CERS6: variants seen among roughly 807,000 people sequenced by gnomAD.
The protein encoded by CERS6 is LAG1 homolog, ceramide synthase 6.
In CERS6, 26 loss-of-function variants were observed where a neutral mutation model predicts 56.8. The ratio of observed to expected loss-of-function variants is 0.46; its 90% CI spans 0.34 to 0.63. The LOEUF (loss-of-function observed/expected upper bound fraction) is 0.63, where lower values mean the gene tolerates loss of function less well. Ranked by LOEUF, CERS6 falls within the 30% of genes least tolerant of loss-of-function variation. The pLI, the probability that CERS6 is intolerant of heterozygous loss-of-function variation, is 0.01. For missense variants in CERS6, 415 were observed against 467.5 expected (o/e 0.89, Z 1.04); for synonymous variants, 164 against 173.3 (o/e 0.95, Z 0.42).
intron 3 of CERS6, among the ~76,000 whole-genome samples, chr2:168,589,793 C>T (rs1390485524): frequency 6.6e-6 from 1 of 152,172 alleles, no homozygotes; most frequent in Non-Finnish European, 1.5e-5. Context: ...ATTTAACTTG[C>T]TAATTATTGC....
At chr2:168,521,786 A>G (rs1694987325) in intron 1 of CERS6, among the ~76,000 whole-genome samples, 1 of 152,216 alleles carries the variant, frequency 6.6e-6, no homozygotes, top group Non-Finnish European at 1.5e-5. Context: ...GAGAGCCTTC[A>G]TTTCTGACAG....
intron 8 of CERS6, among the ~76,000 whole-genome samples, chr2:168,738,566 A>G (rs1683784726): frequency 6.6e-6 from 1 of 152,252 alleles, no homozygotes; most frequent in Admixed American, 6.5e-5. Flanking sequence ...TAGAATTTAC[A>G]TAGATTAAGC....
chr2:168,627,739 A>AT (rs976984946), intron 3 of CERS6, among the ~76,000 whole-genome samples: 5 of 149,876 alleles, frequency 3.3e-5, no homozygotes, highest in Admixed American at 6.6e-5. Flanking sequence ...TTCAGTTCAC[A>AT]TTTTTTTTAG....
chr2:168,555,687 A>G (rs1695662285), intron 2 of CERS6, among the ~76,000 whole-genome samples: 1 of 150,616 alleles, frequency 6.6e-6, no homozygotes, highest in South Asian at 2.1e-4. Flanking sequence ...GAAAAACTTG[A>G]CTAAAAAATT....
At chr2:168,531,388 A>T (rs185620422) in intron 1 of CERS6, among the ~76,000 whole-genome samples, 228 of 152,358 alleles carry the variant, frequency 1.5e-3, no homozygotes, top group Admixed American at 4.9e-3. Context: ...GCCTAAAGGA[A>T]GTTTTTGAAT....
intron 4 of CERS6, among the ~76,000 whole-genome samples, chr2:168,661,235 T>C (rs1266529165): frequency 2.6e-5 from 4 of 152,222 alleles, no homozygotes; most frequent in Non-Finnish European, 5.9e-5. Context: ...AAAAGGCTTA[T>C]TTAAACTCGC....
intron 1 of CERS6, among the ~76,000 whole-genome samples, chr2:168,541,950 T>A (rs1488169784): frequency 6.6e-6 from 1 of 152,196 alleles, no homozygotes; most frequent in Non-Finnish European, 1.5e-5. Context: ...TGTTTTTCTA[T>A]CAAAATTTTG....
At chr2:168,662,659 G>A (rs1195269608) in intron 4 of CERS6, among the ~76,000 whole-genome samples, 3 of 152,182 alleles carry the variant, frequency 2.0e-5, no homozygotes, top group Admixed American at 1.3e-4. Flanking sequence ...TTGAACCCGG[G>A]AGGCGGAGGT....
intron 4 of CERS6, among the ~76,000 whole-genome samples, chr2:168,655,573 G>A (rs146480985): frequency 1.3e-3 from 201 of 152,316 alleles, no homozygotes; most frequent in African/African-American, 4.5e-3. Flanking sequence ...TTGCCACAGC[G>A]CCAGTGGACC....
chr2:168,707,109 A>T (rs530479388), intron 6 of CERS6, among the ~76,000 whole-genome samples: 50 of 152,342 alleles, frequency 3.3e-4, no homozygotes, highest in African/African-American at 1.2e-3. Context: ...GCTAGTAGAG[A>T]TAATTAAATC....
At position 168,456,389 on chromosome 2, in the gene CERS6, C is replaced by T. The variant is rs1693652180; in HGVS notation, c.-60C>T. On this transcript the variant is annotated 5_prime_UTR_variant, in exon 1 of 10. Coordinates refer to ENST00000305747, the MANE Select transcript of CERS6 (RefSeq NM_203463.3). The surrounding 1 kb of genome is among the most constrained non-coding windows in gnomAD (Gnocchi z 4.1). ...AGCCGGGCGCGCATCCCCGGGCGCCCTGCGCGGTGGAGAGCTTGGCGGGCT... is the reference window on the plus strand; with the variant it reads ...AGCCGGGCGCGCATCCCCGGGCGCCTTGCGCGGTGGAGAGCTTGGCGGGCT... The T allele has an allele frequency of 7.1e-7, 1 of 1,399,446 alleles. No homozygotes were observed. Among genetic ancestry groups the T allele is most frequent in the Non-Finnish European group, 9.5e-7 (1 of 1,050,318 alleles). 86.7% of individuals were successfully genotyped at this position (1,399,446 alleles called of 1,614,324 possible).
chr2:168,592,029 T>C (rs553759093), intron 3 of CERS6, among the ~76,000 whole-genome samples: 1 of 152,332 alleles, frequency 6.6e-6, no homozygotes, highest in East Asian at 1.9e-4. Context: ...GACTTTCAAC[T>C]GAGTGTCAAA....
At chr2:168,594,486 G>A (rs1683749885) in intron 3 of CERS6, among the ~76,000 whole-genome samples, 1 of 152,180 alleles carries the variant, frequency 6.6e-6, no homozygotes, top group African/African-American at 2.4e-5. Context: ...TAGGGAGACT[G>A]AGGCAGGAGG....
chr2:168,684,546 T>C (rs1029981659), intron 4 of CERS6, among the ~76,000 whole-genome samples: 2 of 152,214 alleles, frequency 1.3e-5, no homozygotes, highest in African/African-American at 4.8e-5. Flanking sequence ...TTCATTTAAA[T>C]TAATAACACA....
chr2:168,709,332 T>A (rs536155841), intron 6 of CERS6, among the ~76,000 whole-genome samples: 2 of 152,252 alleles, frequency 1.3e-5, no homozygotes, highest in African/African-American at 4.8e-5. Context: ...TTACCAGCTT[T>A]TAATACTAAA....
chr2:168,499,123 G>A (rs932026282), intron 1 of CERS6, among the ~76,000 whole-genome samples: 1 of 152,148 alleles, frequency 6.6e-6, no homozygotes, highest in African/African-American at 2.4e-5. Flanking sequence ...TTGGCTACCT[G>A]CCCCAGGTCC....
At chr2:168,692,073 A>G (rs980293218) in intron 5 of CERS6, among the ~76,000 whole-genome samples, 1 of 152,296 alleles carries the variant, frequency 6.6e-6, no homozygotes, top group Non-Finnish European at 1.5e-5. Flanking sequence ...GACACATTGA[A>G]TTGGAATTCC....
intron 4 of CERS6, among the ~76,000 whole-genome samples, chr2:168,684,308 A>G (rs1574158216): frequency 6.6e-6 from 1 of 152,150 alleles, no homozygotes; most frequent in East Asian, 1.9e-4. Flanking sequence ...CCAGGAAAGG[A>G]GGAAGGGACA....
intron 3 of CERS6, among the ~76,000 whole-genome samples, chr2:168,569,444 A>G (rs1354546524): frequency 6.6e-6 from 1 of 152,238 alleles, no homozygotes; most frequent in African/African-American, 2.4e-5. Context: ...TCAGAGGGAA[A>G]GTTGCAATGC....
Sources: gnomAD v4.1 joint callset for allele counts (sites outside exome capture counted in the v4.1 genomes callset) on GRCh38, gnomAD v4.1.1 for gene constraint, Gnocchi (gnomAD v3.1) non-coding constraint, MANE v1.5 for transcripts, NCBI Gene and HGNC (gene_info 2026-07-23, HGNC 2026-07-21) for gene names.